The following GLRA2 variants were observed in gnomAD, a reference collection of about 807,000 sequenced individuals.
GLRA2 encodes the protein glycine receptor subunit alpha-2.
A neutral mutation model predicts 31.6 loss-of-function variants in GLRA2; 11 were observed. The ratio of observed to expected loss-of-function variants is 0.35; its 90% CI spans 0.22 to 0.58. The LOEUF (loss-of-function observed/expected upper bound fraction) is 0.58. Among genes scored for constraint, GLRA2 ranks in the 20% least tolerant of loss-of-function variants. The pLI is 0.84. For missense variants in GLRA2, 212 were observed against 351.8 expected, an observed-to-expected ratio of 0.60 and a Z score of 3.18; for synonymous variants, 132 against 134.0, an observed-to-expected ratio of 0.99 and a Z score of 0.10.
At chrX:14,700,147 C>T (rs1322600767) in intron 8 of GLRA2, among the ~76,000 whole-genome samples, 1 of 111,619 alleles carries the variant, frequency 9.0e-6, no homozygotes, top group Non-Finnish European at 1.9e-5. Flanking sequence ...GTAGCGATGT[C>T]CATGAGGCAG....
chrX:14,561,406 C>T (rs199636330), intron 2 of GLRA2, among the ~76,000 whole-genome samples: 5 of 112,231 alleles, frequency 4.5e-5, no homozygotes, highest in African/African-American at 9.7e-5. Flanking sequence ...GCTTACAGAC[C>T]GAATCTGGCC....
At chrX:14,546,825 T>C (rs1039974797) in intron 2 of GLRA2, among the ~76,000 whole-genome samples, 1 of 111,427 alleles carries the variant, frequency 9.0e-6, no homozygotes, top group Non-Finnish European at 1.9e-5. Context: ...GGGGCCTCTC[T>C]CATTCCCCCA....
At chrX:14,595,657 C>A (rs898617679) in intron 4 of GLRA2, among the ~76,000 whole-genome samples, 11 of 111,194 alleles carry the variant, frequency 9.9e-5, no homozygotes, top group Non-Finnish European at 7.5e-5. Flanking sequence ...CTCTGATAGA[C>A]CAAAAGGGCC....
chrX:14,728,571 C>A (rs1344395828), intron 8 of GLRA2, among the ~76,000 whole-genome samples: 1 of 111,868 alleles, frequency 8.9e-6, no homozygotes, highest in Non-Finnish European at 1.9e-5. Flanking sequence ...TTCACACTTG[C>A]TATCTCTCCA....
chrX:14,679,703 C>T (rs1353872282), intron 7 of GLRA2, among the ~76,000 whole-genome samples: 1 of 111,655 alleles, frequency 9.0e-6, no homozygotes, highest in Admixed American at 9.5e-5. Context: ...CACCAAAGAC[C>T]TGGCTCTCCT....
intron 7 of GLRA2, among the ~76,000 whole-genome samples, chrX:14,669,675 C>T (rs745498867): frequency 8.9e-6 from 1 of 112,055 alleles, no homozygotes; most frequent in South Asian, 3.7e-4. Context: ...TCAGCCACAG[C>T]TGGAATGGCT....
intron 8 of GLRA2, among the ~76,000 whole-genome samples, chrX:14,727,602 A>T (rs1320822168): frequency 8.9e-6 from 1 of 112,353 alleles, no homozygotes; most frequent in Non-Finnish European, 1.9e-5. Flanking sequence ...GACACTGATG[A>T]CACTGTAATA....
intron 7 of GLRA2, among the ~76,000 whole-genome samples, chrX:14,661,152 C>T (rs759545609): frequency 4.5e-4 from 51 of 112,231 alleles, no homozygotes; most frequent in African/African-American, 1.6e-3. Flanking sequence ...TTTTATGACG[C>T]TAACTTACTT....
chrX:14,574,390 A>T lies in GLRA2; in HGVS notation c.260A>T (p.Glu87Val). The T allele has an allele frequency of 8.4e-7, 1 of 1,191,847 alleles. No homozygotes were observed. Reference protein sequence around the residue: ...IFINSFGSVTETTMDYRVNIF... With the variant: ...IFINSFGSVTVTTMDYRVNIF... ...ATCAACAGTTTTGGATCAGTCACAG[A>T]AACGACCATGGTAAGTGCTGCAATG... The change falls in exon 3 of 9, where the codon GAA (glutamate) becomes GTA (valine). Residue 87 changes from glutamate (E) to valine (V), a missense_variant. Physicochemically the swap from Glu to Val is moderately radical, Grantham distance 121 (BLOSUM62 -2). Around this residue, in one of 5 missense-constraint regions of GLRA2, gnomAD observed 110 missense variants for 232.6 expected, o/e 0.47. Coordinates refer to ENST00000218075, the MANE Select transcript of GLRA2 (RefSeq NM_002063.4).
intron 7 of GLRA2, among the ~76,000 whole-genome samples, chrX:14,650,012 T>C (rs918794555): frequency 8.9e-6 from 1 of 111,979 alleles, no homozygotes. Flanking sequence ...TTGTGTTGCA[T>C]ACATTAAAGC....
chrX:14,684,981 A>T (rs1223625343), intron 7 of GLRA2, among the ~76,000 whole-genome samples: 1 of 110,915 alleles, frequency 9.0e-6, no homozygotes, highest in Non-Finnish European at 1.9e-5. Flanking sequence ...TTATTTTGAG[A>T]TATGTCCCAT....
the GLRA2 span, among the ~76,000 whole-genome samples, chrX:14,468,450 G>T: frequency 8.9e-6 from 1 of 111,782 alleles, no homozygotes; most frequent in African/African-American, 3.2e-5. Flanking sequence ...GCCTCTGAAT[G>T]TGGATAGCAG....
chrX:14,485,761 T>C, the GLRA2 span, among the ~76,000 whole-genome samples: 1 of 111,771 alleles, frequency 8.9e-6, no homozygotes, highest in East Asian at 2.8e-4. Context: ...GGCCTCGTAA[T>C]TGGTCCCCTG....
chrX:14,448,871 G>A, the GLRA2 span, among the ~76,000 whole-genome samples: 1 of 110,884 alleles, frequency 9.0e-6, no homozygotes, highest in East Asian at 2.9e-4. Context: ...TGACCCTGAA[G>A]GAAGAGCCAG....
intron 2 of GLRA2, among the ~76,000 whole-genome samples, chrX:14,565,543 AATT>A (rs2089794032): frequency 7.2e-5 from 8 of 111,422 alleles, no homozygotes; most frequent in Non-Finnish European, 1.5e-4. Flanking sequence ...ATGTGTTTAG[AATT>A]ATTATATCTT....
chrX:14,702,502 A>G (rs2074178), intron 8 of GLRA2, among the ~76,000 whole-genome samples: 20,616 of 111,756 alleles, frequency 0.18, 1,799 homozygotes, highest in Middle Eastern at 0.28. Context: ...TGGGATGTAT[A>G]TTATAAACTT....
chrX:14,588,563 G>A (rs2090107410), intron 4 of GLRA2, among the ~76,000 whole-genome samples: 1 of 111,492 alleles, frequency 9.0e-6, no homozygotes, highest in Admixed American at 9.5e-5. Context: ...TGGTTATCTG[G>A]GCTGTTTTTT....
intron 7 of GLRA2, among the ~76,000 whole-genome samples, chrX:14,671,464 T>C (rs1428409929): frequency 8.9e-6 from 1 of 112,047 alleles, no homozygotes; most frequent in East Asian, 2.8e-4. Flanking sequence ...TTGGTTACCA[T>C]GAGGGACAAC....
At chrX:14,473,931 T>C in the GLRA2 span, among the ~76,000 whole-genome samples, 2 of 111,989 alleles carry the variant, frequency 1.8e-5, no homozygotes, top group African/African-American at 6.5e-5. Flanking sequence ...ACTTATCTGG[T>C]TGTTTCCTGC....
Sources: gnomAD v4.1 joint callset for allele counts (sites outside exome capture counted in the v4.1 genomes callset) on GRCh38, gnomAD v4.1.1 for gene constraint, gnomAD v4.1.1 regional missense constraint, MANE v1.5 for transcripts, NCBI Gene and HGNC (gene_info 2026-07-23, HGNC 2026-07-21) for gene names.